Variants in TUSC3 observed in about 807,000 individuals in gnomAD.
The protein encoded by TUSC3 is dolichyl-diphosphooligosaccharide--protein glycosyltransferase subunit TUSC3.
TUSC3 carries 45 observed loss-of-function variants against 44.8 expected under a neutral mutation model. The observed-to-expected ratio is 1.00, with a 90% CI of 0.79 to 1.29. The LOEUF (loss-of-function observed/expected upper bound fraction) is 1.29. Ranked by LOEUF, TUSC3 falls within the 50% of genes most tolerant of loss-of-function variation. The pLI is 0.00. For synonymous variants in TUSC3, 212 were observed against 152.9 expected, an observed-to-expected ratio of 1.39 and a Z score of -2.85; for missense variants, 519 against 437.9, an observed-to-expected ratio of 1.19 and a Z score of -1.65.
At chr8:15,560,285 A>G (rs1802411141) in intron 1 of TUSC3, among the ~76,000 whole-genome samples, 1 of 143,218 alleles carries the variant, frequency 7.0e-6, no homozygotes, top group Non-Finnish European at 1.5e-5. Flanking sequence ...CTGGATATGA[A>G]ATTCTGGGTT....
chr8:15,730,472 G>T (rs2604311), intron 6 of TUSC3, among the ~76,000 whole-genome samples, 194 bp from the exon 7 acceptor site: 2 of 151,802 alleles, frequency 1.3e-5, no homozygotes, highest in Non-Finnish European at 1.5e-5. Context: ...GTTTACAATA[G>T]TATCATCAAC....
At chr8:15,843,535 C>G in the TUSC3 span, among the ~76,000 whole-genome samples, 1 of 151,150 alleles carries the variant, frequency 6.6e-6, no homozygotes, top group Admixed American at 6.6e-5. Flanking sequence ...GTAGAATTTT[C>G]TACCATCTCA....
At chr8:15,736,646 A>T (rs1012636755) in intron 7 of TUSC3, among the ~76,000 whole-genome samples, 1 of 152,206 alleles carries the variant, frequency 6.6e-6, no homozygotes, top group African/African-American at 2.4e-5. Context: ...TTTCTAAAAT[A>T]AAAAGGCATC....
At chr8:15,442,622 G>C (rs1800035932) in intron 1 of TUSC3, among the ~76,000 whole-genome samples, 1 of 152,130 alleles carries the variant, frequency 6.6e-6, no homozygotes, top group Non-Finnish European at 1.5e-5. Context: ...GTTTCTCTTA[G>C]TAATTTTCCA....
At chr8:15,440,339 G>A (rs1800004566) in intron 1 of TUSC3, among the ~76,000 whole-genome samples, 1 of 152,180 alleles carries the variant, frequency 6.6e-6, no homozygotes. Context: ...AGAAAGGGAA[G>A]GAGAGGTGGG....
the TUSC3 span, among the ~76,000 whole-genome samples, chr8:15,809,300 T>C: frequency 6.6e-6 from 1 of 152,192 alleles, no homozygotes; most frequent in African/African-American, 2.4e-5. Context: ...CATAGTTACT[T>C]GTCCTTTAAA....
At chr8:15,655,752 T>C (rs1391548068) in intron 3 of TUSC3, among the ~76,000 whole-genome samples, 1 of 152,206 alleles carries the variant, frequency 6.6e-6, no homozygotes, top group Non-Finnish European at 1.5e-5. Context: ...CACTAATATA[T>C]GTAGCTGTTT....
chr8:15,564,190 T>G (rs983429126), intron 1 of TUSC3, among the ~76,000 whole-genome samples: 2 of 152,182 alleles, frequency 1.3e-5, no homozygotes, highest in Non-Finnish European at 2.9e-5. Context: ...ATTAGAAACT[T>G]CGTAACAATG....
chr8:15,576,245 TTTTC>T (rs148302376), intron 1 of TUSC3, among the ~76,000 whole-genome samples: 27,331 of 94,978 alleles, frequency 0.29, 2,704 homozygotes, highest in South Asian at 0.42. Flanking sequence ...ATCCTCTGCT[TTTTC>T]TTTCTTTTTT....
chr8:15,512,945 T>TG (rs1554508698), intron 2 of TUSC3, among the ~76,000 whole-genome samples: 1 of 142,836 alleles, frequency 7.0e-6, no homozygotes, highest in Non-Finnish European at 1.5e-5. Context: ...TATATATATA[T>TG]ATATATATAT....
chr8:15,670,452 G>C (rs913693263), intron 5 of TUSC3, among the ~76,000 whole-genome samples: 15 of 151,876 alleles, frequency 9.9e-5, no homozygotes, highest in African/African-American at 3.4e-4. Flanking sequence ...GAGTAAGTAT[G>C]GCATTTTTGA....
intron 9 of TUSC3, among the ~76,000 whole-genome samples, chr8:15,753,506 G>T (rs1453477631): frequency 1.3e-5 from 2 of 151,986 alleles, no homozygotes; most frequent in Non-Finnish European, 2.9e-5. Context: ...GTGGACATGG[G>T]AGCATTATGA....
chr8:15,487,158 T>G (rs975082646), intron 2 of TUSC3, among the ~76,000 whole-genome samples: 2 of 152,230 alleles, frequency 1.3e-5, no homozygotes, highest in African/African-American at 2.4e-5. Flanking sequence ...TTTTATTGTG[T>G]TTTAATGATT....
At chr8:15,811,864 C>T in the TUSC3 span, among the ~76,000 whole-genome samples, 1 of 152,026 alleles carries the variant, frequency 6.6e-6, no homozygotes. Flanking sequence ...TATAAAATAG[C>T]CGAGCCAGTT....
intron 1 of TUSC3, among the ~76,000 whole-genome samples, chr8:15,425,955 G>A (rs576382657): frequency 1.3e-5 from 2 of 152,280 alleles, no homozygotes; most frequent in South Asian, 2.1e-4. Flanking sequence ...GTTCAAGGCT[G>A]CAGTGAGCCA....
chr8:15,657,792 A>C (rs1360013497), intron 3 of TUSC3, among the ~76,000 whole-genome samples: 1 of 152,174 alleles, frequency 6.6e-6, no homozygotes, highest in Non-Finnish European at 1.5e-5. Flanking sequence ...TGTTTGTCTT[A>C]GTCCATTTTG....
the TUSC3 span, chr8:15,807,318 A>G: frequency 2.2e-6 from 1 of 454,212 alleles, no homozygotes; most frequent in African/African-American, 2.0e-5. Context: ...TTAAAAGTCA[A>G]AAATCATCAA....
chr8:15,629,335 A>G (rs1048407479), intron 2 of TUSC3, among the ~76,000 whole-genome samples: 1 of 152,142 alleles, frequency 6.6e-6, no homozygotes, highest in Non-Finnish European at 1.5e-5. Context: ...CTTGAGGTCT[A>G]TTGTTATTGA....
intron 9 of TUSC3, among the ~76,000 whole-genome samples, chr8:15,755,280 T>G (rs780584086): frequency 6.6e-6 from 1 of 152,104 alleles, no homozygotes; most frequent in Non-Finnish European, 1.5e-5. Flanking sequence ...ATTAGAAAGA[T>G]TACATGAGAG....
Sources: gnomAD v4.1 joint callset for allele counts (sites outside exome capture counted in the v4.1 genomes callset) on GRCh38, gnomAD v4.1.1 for gene constraint, MANE v1.5 for transcripts, NCBI Gene and HGNC (gene_info 2026-07-23, HGNC 2026-07-21) for gene names.